The following FRMD3 variants were observed in gnomAD, a reference collection of about 807,000 sequenced individuals.
FRMD3 encodes the protein FERM domain-containing protein 3.
In FRMD3, 33 loss-of-function variants were observed where a neutral mutation model predicts 70.2. That is an observed-to-expected ratio of 0.47 (90% CI 0.36 to 0.63). FRMD3 has a LOEUF of 0.63. Ranked by LOEUF, FRMD3 falls within the 20% of genes least tolerant of loss-of-function variation. The pLI, the probability that FRMD3 is intolerant of heterozygous loss-of-function variation, is 0.00. For synonymous variants in FRMD3, 279 were observed against 255.9 expected (o/e 1.09, Z -0.86); for missense variants, 632 against 711.4 (o/e 0.89, Z 1.27).
intron 1 of FRMD3, among the ~76,000 whole-genome samples, chr9:83,457,612 G>T (rs1477530417): frequency 6.6e-6 from 1 of 152,186 alleles, no homozygotes; most frequent in Non-Finnish European, 1.5e-5. Context: ...TATGTAAATA[G>T]TTGTTATACA....
intron 6 of FRMD3, among the ~76,000 whole-genome samples, chr9:83,329,502 G>A (rs1200205016): frequency 6.6e-6 from 1 of 152,164 alleles, no homozygotes; most frequent in Non-Finnish European, 1.5e-5. Context: ...AAAGGTAGAG[G>A]ATATTTTTCA....
At chr9:83,309,958 GC>G (rs1027514276) in intron 9 of FRMD3, among the ~76,000 whole-genome samples, 5 of 152,082 alleles carry the variant, frequency 3.3e-5, no homozygotes, top group African/African-American at 1.2e-4. Flanking sequence ...TAGTACTTGG[GC>G]TGAAAACTCA....
intron 2 of FRMD3, among the ~76,000 whole-genome samples, chr9:83,378,332 C>T (rs1825216752): frequency 6.9e-6 from 1 of 145,684 alleles, no homozygotes; most frequent in Admixed American, 7.0e-5. Flanking sequence ...ACAATCTCAG[C>T]TCACAGCAGC....
chr9:83,397,032 G>C (rs1380663912), intron 1 of FRMD3, among the ~76,000 whole-genome samples: 1 of 152,152 alleles, frequency 6.6e-6, no homozygotes, highest in African/African-American at 2.4e-5. Flanking sequence ...TAACTGAGCT[G>C]ATCATGGCTG....
At chr9:83,568,943 G>GATACATAC in the FRMD3 span, among the ~76,000 whole-genome samples, 28 of 124,636 alleles carry the variant, frequency 2.2e-4, no homozygotes, top group African/African-American at 4.8e-4. Context: ...TAGATAGATA[G>GATACATAC]ATAGATAGAT....
intron 1 of FRMD3, among the ~76,000 whole-genome samples, chr9:83,408,474 C>G (rs1826189489): frequency 6.6e-6 from 1 of 152,174 alleles, no homozygotes; most frequent in Non-Finnish European, 1.5e-5. Context: ...GAACATGCCT[C>G]CCTCCCATTT....
Position 83,278,303 on chromosome 9 carries a change from G to A in FRMD3, c.1195+12300C>T, listed in dbSNP as rs555422841. On this transcript the variant is annotated intron_variant, in intron 13 of 13. Transcript: ENST00000304195. Reference sequence around the variant, plus strand: ...AGGGCTTCATAGGCCAGAGGAAGGAGCTGAGATTTTAACATAAGTAGATCT... The same window carrying A: ...AGGGCTTCATAGGCCAGAGGAAGGAACTGAGATTTTAACATAAGTAGATCT... 2.0e-5 allele frequency among the ~76,000 whole-genome samples: 3 copies of A among 152,216 alleles called. No homozygotes were observed. In the South Asian group the frequency reaches 6.2e-4, roughly 32 times the overall value.
chr9:83,507,627 G>A lies in FRMD3; in HGVS notation c.147+30458C>T, dbSNP rs1156568484. On this transcript the variant is annotated intron_variant, in intron 1 of 13. Transcript: ENST00000304195. ...AGAGCTTGCAGTGAGCCATGATCGCGCCACTGCACTCCAGCCTGGGCGACA... is the reference window on the plus strand; with the variant it reads ...AGAGCTTGCAGTGAGCCATGATCGCACCACTGCACTCCAGCCTGGGCGACA... 8.4e-5 allele frequency among the ~76,000 whole-genome samples: 12 copies of A among 142,986 alleles called. No individual in the cohort carries two copies. In the East Asian group the frequency reaches 1.7e-3, roughly 20 times the overall value. The allele number at this position is 142,986 out of a possible 152,430, so 93.8% of individuals were successfully genotyped here. A position where few individuals can be genotyped will look rare whatever the true frequency, so the allele number is the denominator to read the frequency against.
chr9:83,388,149 G>A (rs1175165042), intron 2 of FRMD3, among the ~76,000 whole-genome samples: 1 of 152,066 alleles, frequency 6.6e-6, no homozygotes, highest in Non-Finnish European at 1.5e-5. Flanking sequence ...ATAAACTTGG[G>A]TCCCTAGGAC....
At chr9:83,429,320 G>T (rs1826903516) in intron 1 of FRMD3, among the ~76,000 whole-genome samples, 1 of 152,158 alleles carries the variant, frequency 6.6e-6, no homozygotes, top group South Asian at 2.1e-4. Flanking sequence ...TCACTTGGAA[G>T]ATCCATCTTG....
chr9:83,251,363 G>C (rs1264011721), intron 13 of FRMD3, among the ~76,000 whole-genome samples: 22 of 152,102 alleles, frequency 1.4e-4, no homozygotes, highest in Admixed American at 1.4e-3. Context: ...TCATTCAAAG[G>C]TCAGCAACCA....
At chr9:83,333,181 T>G (rs1287369022) in intron 6 of FRMD3, among the ~76,000 whole-genome samples, 1 of 152,176 alleles carries the variant, frequency 6.6e-6, no homozygotes, top group African/African-American at 2.4e-5. Context: ...ACAGAACTAC[T>G]TAGAATGAGC....
intron 1 of FRMD3, among the ~76,000 whole-genome samples, chr9:83,470,488 G>T (rs1363268587): frequency 1.3e-5 from 2 of 152,312 alleles, no homozygotes; most frequent in East Asian, 3.9e-4. Context: ...TGGCACACAG[G>T]GCAGGGGGCC....
chr9:83,325,536 G>A (rs774253201), intron 6 of FRMD3, among the ~76,000 whole-genome samples: 4 of 151,794 alleles, frequency 2.6e-5, no homozygotes, highest in Admixed American at 6.6e-5. Flanking sequence ...TGTTGCCCAC[G>A]CTGGTCTCGA....
chr9:83,274,150 C>G (rs766968904), intron 13 of FRMD3, among the ~76,000 whole-genome samples: 1 of 152,038 alleles, frequency 6.6e-6, no homozygotes. Flanking sequence ...ATATAAAAAG[C>G]CTGATGCATT....
chr9:83,486,210 G>A (rs1221798335), intron 1 of FRMD3, among the ~76,000 whole-genome samples: 1 of 152,040 alleles, frequency 6.6e-6, no homozygotes, highest in African/African-American at 2.4e-5. Context: ...GAGATCATTG[G>A]AGCTATAAAA....
the FRMD3 span, among the ~76,000 whole-genome samples, chr9:83,568,947 G>GATACATACATAC: frequency 2.9e-4 from 30 of 103,200 alleles, no homozygotes; most frequent in Middle Eastern, 4.6e-3. Flanking sequence ...TAGATAGATA[G>GATACATACATAC]ATAGATAGAT....
chr9:83,452,607 A>G (rs2131418924), intron 1 of FRMD3, among the ~76,000 whole-genome samples: 1 of 149,832 alleles, frequency 6.7e-6, no homozygotes, highest in East Asian at 2.0e-4. Flanking sequence ...TCAGCCTCCC[A>G]AGCAGCTGGG....
At chr9:83,540,406 G>A (rs1489258617), upstream of FRMD3, among the ~76,000 whole-genome samples, 1 of 152,202 alleles carries the variant, frequency 6.6e-6, no homozygotes, top group Non-Finnish European at 1.5e-5. Flanking sequence ...AAGGACAGTA[G>A]TGAAAAAGAC....
Sources: allele counts gnomAD v4.1 joint callset (sites outside exome capture counted in the v4.1 genomes callset), GRCh38; gene constraint gnomAD v4.1.1; transcripts MANE v1.5; gene names NCBI Gene and HGNC (gene_info 2026-07-23, HGNC 2026-07-21).